Variants in CNTN4 observed in about 807,000 individuals in gnomAD.
CNTN4 encodes contactin-4.
CNTN4 carries 77 observed loss-of-function variants against 122.5 expected under a neutral mutation model. The observed-to-expected ratio is 0.63, with a 90% confidence interval of 0.52 to 0.76. The LOEUF is 0.76. CNTN4 is among the 30% of genes least tolerant of loss of function. The pLI is 0.00. For synonymous variants in CNTN4, 512 were observed against 447.0 expected (o/e 1.15, Z -1.83); for missense variants, 1,256 against 1,259.1 (o/e 1.00, Z 0.04).
chr3:2,765,555 T>C (rs1004309376), intron 6 of CNTN4, among the ~76,000 whole-genome samples: 1 of 152,236 alleles, frequency 6.6e-6, no homozygotes, highest in Non-Finnish European at 1.5e-5. Context: ...GCCTGCTGTG[T>C]ATTTTTAATT....
At chr3:2,358,856 C>T (rs1350317346) in intron 3 of CNTN4, among the ~76,000 whole-genome samples, 1 of 151,980 alleles carries the variant, frequency 6.6e-6, no homozygotes, top group East Asian at 1.9e-4. Flanking sequence ...TTATAAAATA[C>T]CAGAGGATGT....
At chr3:2,791,338 C>G (rs1420593611) in intron 6 of CNTN4, among the ~76,000 whole-genome samples, 3 of 151,972 alleles carry the variant, frequency 2.0e-5, no homozygotes, top group African/African-American at 4.8e-5. Flanking sequence ...TCGAGACTAA[C>G]CTGTGCAACA....
chr3:2,117,768 T>A (rs4311198), intron 2 of CNTN4, among the ~76,000 whole-genome samples: 26,851 of 152,024 alleles, frequency 0.18, 3,022 homozygotes, highest in Admixed American at 0.3. Context: ...ATTTCCCGGG[T>A]GATTTTATTA....
chr3:2,520,896 C>G, intron 3 of CNTN4, among the ~76,000 whole-genome samples: 1 of 152,014 alleles, frequency 6.6e-6, no homozygotes, highest in East Asian at 1.9e-4. Context: ...TAATTAAATT[C>G]CTGCCATTTA....
intron 13 of CNTN4, among the ~76,000 whole-genome samples, chr3:2,954,299 A>C (rs2094776487): frequency 6.6e-6 from 1 of 152,122 alleles, no homozygotes; most frequent in African/African-American, 2.4e-5. Context: ...TTCTCCCTTT[A>C]GGTTTTAGGA....
At chr3:2,466,453 A>G (rs1202063289) in intron 3 of CNTN4, among the ~76,000 whole-genome samples, 1 of 152,198 alleles carries the variant, frequency 6.6e-6, no homozygotes, top group Admixed American at 6.5e-5. Flanking sequence ...TAAAAACCAA[A>G]TCTGGGATTT....
At chr3:2,919,974 C>T (rs987952184) in intron 12 of CNTN4, among the ~76,000 whole-genome samples, 4 of 151,792 alleles carry the variant, frequency 2.6e-5, no homozygotes, top group Admixed American at 1.3e-4. Flanking sequence ...GTTTTCAAGT[C>T]TTTTATAAAA....
chr3:2,720,970 T>G (rs2087814621), intron 4 of CNTN4, among the ~76,000 whole-genome samples: 1 of 152,068 alleles, frequency 6.6e-6, no homozygotes, highest in Non-Finnish European at 1.5e-5. Flanking sequence ...CATATTCTTT[T>G]TTTGTTTGTT....
In CNTN4 at chr3:2,419,319, A is replaced by G. The variant is rs2047532012; in HGVS notation, c.-89+80086A>G. ...GAACATTCAACTTTATTAAGACTTTATAGTTTTTAGGAATAGAGTTAATAA... is the reference window on the plus strand; with the variant it reads ...GAACATTCAACTTTATTAAGACTTTGTAGTTTTTAGGAATAGAGTTAATAA... On this transcript the variant is annotated intron_variant, in intron 3 of 24. Coordinates refer to ENST00000418658, the MANE Select transcript of CNTN4 (RefSeq NM_175607.3). 2.0e-5 allele frequency among the ~76,000 whole-genome samples: 3 copies of G among 152,164 alleles called. No individual in the cohort carries two copies. In the South Asian group the frequency reaches 6.2e-4, roughly 32 times the overall value.
At chr3:2,167,576 T>C (rs868598202) in intron 2 of CNTN4, among the ~76,000 whole-genome samples, 3 of 152,266 alleles carry the variant, frequency 2.0e-5, no homozygotes, top group African/African-American at 7.2e-5. Flanking sequence ...TCTCTCAGAA[T>C]TGGACTAGTC....
chr3:2,267,895 G>C (rs1180694623), intron 2 of CNTN4, among the ~76,000 whole-genome samples: 2 of 151,692 alleles, frequency 1.3e-5, no homozygotes, highest in Non-Finnish European at 2.9e-5. Context: ...TTTTCATATT[G>C]TAATAATTTC....
chr3:2,898,058 A>G (rs2094134397), intron 10 of CNTN4, among the ~76,000 whole-genome samples: 3 of 152,210 alleles, frequency 2.0e-5, no homozygotes, highest in Admixed American at 2.0e-4. Context: ...CATCAAGCAC[A>G]TGACTTCATT....
At chr3:2,744,307 T>C (rs1242244308) in intron 5 of CNTN4, among the ~76,000 whole-genome samples, 1 of 152,136 alleles carries the variant, frequency 6.6e-6, no homozygotes, top group Non-Finnish European at 1.5e-5. Context: ...TGTAAATCCT[T>C]TTACATTATG....
At position 2,841,289 on chromosome 3, in the gene CNTN4, T is replaced by C. The variant is rs959215527; in HGVS notation, c.454+21708T>C. On this transcript the variant is annotated intron_variant, in intron 7 of 24. Transcript: ENST00000418658. This position sits in a 1 kb window ranked among gnomAD's most constrained non-coding sequence, Gnocchi z 4.8. The stretch of plus-strand genomic sequence containing the variant: ...TTAATATATAGTGCAAAGTTTCCAA[T>C]GTAGTTAGAGTTACTACAACCCTAA... Among the ~76,000 whole-genome samples, 2 of 152,224 alleles carry C rather than the reference T, an allele frequency of 1.3e-5. No individual in the cohort carries two copies. Among genetic ancestry groups the C allele is most frequent in the African/African-American group, 4.8e-5 (2 of 41,462 alleles).
At chr3:2,354,456 G>A (rs9870901) in intron 3 of CNTN4, among the ~76,000 whole-genome samples, 13,730 of 152,180 alleles carry the variant, frequency 0.09, 1,052 homozygotes, top group African/African-American at 0.21. Flanking sequence ...ACTTGAACCC[G>A]GGAGGCGGAG....
chr3:2,645,687 T>A (rs2083085930), intron 4 of CNTN4, among the ~76,000 whole-genome samples: 1 of 152,208 alleles, frequency 6.6e-6, no homozygotes, highest in Non-Finnish European at 1.5e-5. Flanking sequence ...ACTGGGAATA[T>A]GTGAAAGATT....
At chr3:2,355,173 T>C (rs961432624) in intron 3 of CNTN4, among the ~76,000 whole-genome samples, 6 of 152,226 alleles carry the variant, frequency 3.9e-5, no homozygotes, top group African/African-American at 1.4e-4. Flanking sequence ...TCCTAACTTC[T>C]GACCTGTGTC....
In CNTN4 at chr3:2,781,454, T is replaced by A. The variant is rs1334551580; in HGVS notation, c.358+35757T>A. Among the ~76,000 whole-genome samples the A allele has an allele frequency of 3.3e-5, 5 of 151,982 alleles. No homozygotes were observed. In the South Asian group the frequency reaches 1.0e-3, roughly 32 times the overall value. On this transcript the variant is annotated intron_variant, in intron 6 of 24. Transcript: ENST00000418658. ...AATGTCAACGAAGAGTCAAACTCTTTGAAGAGATATTATTTGAATGTTAAT... is the reference window on the plus strand; with the variant it reads ...AATGTCAACGAAGAGTCAAACTCTTAGAAGAGATATTATTTGAATGTTAAT...
chr3:2,723,172 G>GA (rs1415075230), intron 4 of CNTN4, among the ~76,000 whole-genome samples: 4 of 152,154 alleles, frequency 2.6e-5, no homozygotes, highest in Non-Finnish European at 5.9e-5. Flanking sequence ...CAGGTACTAT[G>GA]AAAAACATTT....
Sources: gnomAD v4.1 joint callset for allele counts (sites outside exome capture counted in the v4.1 genomes callset) on GRCh38, gnomAD v4.1.1 for gene constraint, Gnocchi (gnomAD v3.1) non-coding constraint, MANE v1.5 for transcripts, NCBI Gene and HGNC (gene_info 2026-07-23, HGNC 2026-07-21) for gene names.